Variants in NTRK3 observed in about 807,000 individuals in gnomAD.
NTRK3 encodes NT-3 growth factor receptor.
Under a neutral mutation model 91.7 loss-of-function variants are expected in NTRK3, and 24 were observed. The ratio of observed to expected loss-of-function variants is 0.26; its 90% CI spans 0.19 to 0.37. The LOEUF (loss-of-function observed/expected upper bound fraction) is 0.37, where lower values mean the gene tolerates loss of function less well. Ranked by LOEUF, NTRK3 falls within the 10% of genes least tolerant of loss-of-function variation. The probability of loss-of-function intolerance (pLI) is 1.00; values close to 1 mark genes in which losing one functional copy is unlikely to be tolerated. For synonymous variants in NTRK3, 483 were observed against 404.0 expected, an observed-to-expected ratio of 1.20 and a Z score of -2.34; for missense variants, 880 against 1,068.9, an observed-to-expected ratio of 0.82 and a Z score of 2.46.
At chr15:87,907,162 T>G (rs1358503993) in intron 17 of NTRK3, among the ~76,000 whole-genome samples, 1 of 152,236 alleles carries the variant, frequency 6.6e-6, no homozygotes, top group Admixed American at 6.5e-5. Flanking sequence ...GATATTTTAA[T>G]GCAACCTGTC....
At chr15:88,047,982 C>T (rs2080401236) in intron 13 of NTRK3, among the ~76,000 whole-genome samples, 1 of 152,206 alleles carries the variant, frequency 6.6e-6, no homozygotes, top group Non-Finnish European at 1.5e-5. Context: ...AACATGTCTC[C>T]ATCCTATCTC....
At chr15:88,019,920 A>G (rs1241686489) in intron 14 of NTRK3, among the ~76,000 whole-genome samples, 1 of 152,206 alleles carries the variant, frequency 6.6e-6, no homozygotes. Context: ...TGTCTAAAAC[A>G]TGAGAATATG....
At chr15:88,101,207 G>A (rs570442091) in intron 13 of NTRK3, among the ~76,000 whole-genome samples, 1 of 152,254 alleles carries the variant, frequency 6.6e-6, no homozygotes, top group East Asian at 1.9e-4. Context: ...GTGGGCGAAG[G>A]ATATGAATAG....
intron 17 of NTRK3, among the ~76,000 whole-genome samples, chr15:87,919,856 G>C (rs571882704): frequency 6.6e-6 from 1 of 152,266 alleles, no homozygotes; most frequent in East Asian, 1.9e-4. Context: ...CTGAGATGTG[G>C]AAGAGCTATG....
chr15:87,917,975 C>T (rs2067565580), intron 17 of NTRK3, among the ~76,000 whole-genome samples: 1 of 148,384 alleles, frequency 6.7e-6, no homozygotes, highest in Non-Finnish European at 1.5e-5. Context: ...CATCCTGACC[C>T]TCCATTTCAC....
At chr15:87,941,236 G>C (rs895867474) in intron 14 of NTRK3, among the ~76,000 whole-genome samples, 2 of 152,146 alleles carry the variant, frequency 1.3e-5, no homozygotes, top group Non-Finnish European at 2.9e-5. Flanking sequence ...GGGTACGATT[G>C]AGAATCAGGT....
chr15:88,025,872 T>A (rs941045635), intron 14 of NTRK3, among the ~76,000 whole-genome samples: 2 of 152,100 alleles, frequency 1.3e-5, no homozygotes, highest in African/African-American at 4.8e-5. Flanking sequence ...TAAATGAGAA[T>A]CGCTTGAACC....
rs1289375091 is a variant in NTRK3, at chr15:87,981,106, T to A, written c.1586-40353A>T. ...AGTACCAAATCCCGTGCTGGGCACC[T>A]AGTCGTACCTCAGTCCACGAAATAT... is the stretch of plus-strand genomic sequence containing the variant. On this transcript the variant is annotated intron_variant, in intron 14 of 18. Transcript: ENST00000394480. 7.5e-6 allele frequency: 11 copies of A among 1,464,990 alleles called. No individual in the cohort carries two copies. In the African/African-American group the frequency reaches 1.4e-4, roughly 19 times the overall value. 90.7% of individuals were successfully genotyped at this position (1,464,990 alleles called of 1,614,324 possible).
chr15:88,024,371 G>C (rs1266681906), intron 14 of NTRK3, among the ~76,000 whole-genome samples: 2 of 152,148 alleles, frequency 1.3e-5, no homozygotes, highest in African/African-American at 4.8e-5. Flanking sequence ...AGCTAAAGAG[G>C]GGTAAGAAAG....
At chr15:88,161,264 A>C (rs74027781) in intron 5 of NTRK3, among the ~76,000 whole-genome samples, 2 of 152,206 alleles carry the variant, frequency 1.3e-5, no homozygotes, top group South Asian at 2.1e-4. Flanking sequence ...AGGAGATTAC[A>C]GAGCAAGTGA....
intron 14 of NTRK3, among the ~76,000 whole-genome samples, chr15:88,002,908 C>T (rs1206546975): frequency 6.6e-6 from 1 of 152,066 alleles, no homozygotes; most frequent in African/African-American, 2.4e-5. Context: ...GGACCTTTGC[C>T]AGCAAGCTCA....
At chr15:88,172,878 C>T (rs2045648369) in intron 5 of NTRK3, among the ~76,000 whole-genome samples, 1 of 152,178 alleles carries the variant, frequency 6.6e-6, no homozygotes, top group Non-Finnish European at 1.5e-5. Flanking sequence ...TTGCCACCTG[C>T]CTCACAAGGG....
At chr15:87,937,033 G>A (rs1253053140) in intron 15 of NTRK3, among the ~76,000 whole-genome samples, 1 of 152,150 alleles carries the variant, frequency 6.6e-6, no homozygotes, top group Non-Finnish European at 1.5e-5. Context: ...TACTCTCCAA[G>A]ATTTTCTCTG....
intron 13 of NTRK3, among the ~76,000 whole-genome samples, chr15:88,035,585 G>T (rs543708986): frequency 1.3e-5 from 2 of 152,310 alleles, no homozygotes; most frequent in African/African-American, 4.8e-5. Context: ...CTGCCAGTTG[G>T]CAAGCCCTAC....
chr15:88,028,639 G>A (rs568345097), intron 14 of NTRK3, among the ~76,000 whole-genome samples: 2 of 152,218 alleles, frequency 1.3e-5, no homozygotes, highest in South Asian at 4.1e-4. Context: ...AGGCTGGGAG[G>A]GGATGACTCT....
intron 3 of NTRK3, among the ~76,000 whole-genome samples, chr15:88,200,884 T>A (rs1000083825): frequency 6.6e-6 from 1 of 152,228 alleles, no homozygotes; most frequent in Non-Finnish European, 1.5e-5. Flanking sequence ...AATGAGATGC[T>A]GAAAATCTGG....
intron 13 of NTRK3, among the ~76,000 whole-genome samples, chr15:88,090,282 T>A (rs1288740224): frequency 6.6e-6 from 1 of 152,164 alleles, no homozygotes; most frequent in East Asian, 1.9e-4. Context: ...CCCACCAGAA[T>A]GTAAGCTTCA....
intron 14 of NTRK3, among the ~76,000 whole-genome samples, chr15:87,980,503 G>A (rs554373174): frequency 1.3e-5 from 2 of 152,280 alleles, no homozygotes; most frequent in South Asian, 4.2e-4. Flanking sequence ...GTGTTTGCAT[G>A]TATGTGCGAA....
intron 14 of NTRK3, among the ~76,000 whole-genome samples, chr15:88,015,879 C>G (rs917805994): frequency 1.3e-5 from 2 of 152,018 alleles, no homozygotes; most frequent in Non-Finnish European, 2.9e-5. Flanking sequence ...GCCAGCTCTA[C>G]AGCGGCTCCA....
Sources: allele counts gnomAD v4.1 joint callset (sites outside exome capture counted in the v4.1 genomes callset), GRCh38; gene constraint gnomAD v4.1.1; transcripts MANE v1.5; gene names NCBI Gene and HGNC (gene_info 2026-07-23, HGNC 2026-07-21).